Variants in CPE observed in about 807,000 individuals in gnomAD.
CPE encodes the protein carbocypeptidase E.
CPE carries 17 observed loss-of-function variants against 53.5 expected under a neutral mutation model. The observed-to-expected ratio is 0.32, with a 90% confidence interval of 0.22 to 0.48. The LOEUF (loss-of-function observed/expected upper bound fraction) is 0.48. Ranked by LOEUF, CPE falls within the 20% of genes least tolerant of loss-of-function variation. The pLI, the probability that CPE is intolerant of heterozygous loss-of-function variation, is 0.99. For synonymous variants in CPE, 226 were observed against 228.8 expected (o/e 0.99, Z 0.11); for missense variants, 524 against 614.7 (o/e 0.85, Z 1.56).
chr4:165,379,261 G>A lies in CPE; in HGVS notation c.40G>A (p.Gly14Arg), dbSNP rs1730460725. The A allele has an allele frequency of 2.8e-6, 4 of 1,428,416 alleles. No individual in the cohort carries two copies. In the African/African-American group the frequency reaches 6.0e-5, roughly 21 times the overall value. The allele number at this position is 1,428,416 out of a possible 1,614,324, so 88.5% of individuals were successfully genotyped here. Residue 14 changes from glycine (G) to arginine (R), a missense_variant, in exon 1 of 9, where the codon GGG (glycine) becomes AGG (arginine). Physicochemically the swap from Gly to Arg is moderately radical, Grantham distance 125. Coordinates refer to ENST00000402744, the MANE Select transcript of CPE (RefSeq NM_001873.4). The surrounding 1 kb of genome is among the most constrained non-coding windows in gnomAD (Gnocchi z 6.0). ...GGGCAGCGCGCTGCTGGCTCTGTGC[G>A]GGGCACTGGCTGCCTGCGGGTGGCT... ...RGGSALLALC[G>R]ALAACGWLLG...
At chr4:165,394,717 T>A (rs978676542) in intron 1 of CPE, among the ~76,000 whole-genome samples, 2 of 148,828 alleles carry the variant, frequency 1.3e-5, no homozygotes, top group African/African-American at 5.0e-5. Flanking sequence ...CCTATTAAAA[T>A]TTTTTTTTTA....
At chr4:165,468,488 T>C (rs1732146662) in intron 3 of CPE, among the ~76,000 whole-genome samples, 1 of 152,214 alleles carries the variant, frequency 6.6e-6, no homozygotes, top group Non-Finnish European at 1.5e-5. Flanking sequence ...TGGTGGAACT[T>C]GATATCTCAA....
chr4:165,481,381 T>C (rs185168797), intron 3 of CPE, among the ~76,000 whole-genome samples: 3 of 152,346 alleles, frequency 2.0e-5, no homozygotes, highest in African/African-American at 4.8e-5. Context: ...TGAGATCTTA[T>C]AACCATCAAA....
At chr4:165,480,339 C>G (rs1319250466) in intron 3 of CPE, among the ~76,000 whole-genome samples, 1 of 152,154 alleles carries the variant, frequency 6.6e-6, no homozygotes, top group African/African-American at 2.4e-5. Flanking sequence ...TAGCTAAAAA[C>G]GTGCTTAGCT....
intron 1 of CPE, among the ~76,000 whole-genome samples, chr4:165,411,710 T>A (rs1457389778): frequency 6.6e-6 from 1 of 152,126 alleles, no homozygotes; most frequent in East Asian, 1.9e-4. Context: ...GGCAAACAGA[T>A]CTGGTTTATC....
chr4:165,460,932 T>C (rs571724540), intron 1 of CPE, among the ~76,000 whole-genome samples: 64 of 151,618 alleles, frequency 4.2e-4, no homozygotes, highest in African/African-American at 1.5e-3. Flanking sequence ...ATAACTACAT[T>C]GATGAATGTA....
intron 1 of CPE, among the ~76,000 whole-genome samples, chr4:165,394,031 GAGAGGGTATGTAGAGAGTC>G (rs1246120962): frequency 2.6e-5 from 4 of 152,176 alleles, no homozygotes. Flanking sequence ...GGATAAAAAG[GAGAGGGTATGTAGAGAGTC>G]AGAGGGTATG....
At chr4:165,407,025 C>G (rs1291215628) in intron 1 of CPE, among the ~76,000 whole-genome samples, 1 of 152,198 alleles carries the variant, frequency 6.6e-6, no homozygotes, top group Non-Finnish European at 1.5e-5. Flanking sequence ...TTTTGTCTAT[C>G]ATGAACAAGG....
intron 1 of CPE, among the ~76,000 whole-genome samples, chr4:165,385,956 C>T (rs1170972433): frequency 6.6e-6 from 1 of 152,124 alleles, no homozygotes; most frequent in Non-Finnish European, 1.5e-5. Context: ...ACTTTCTTAC[C>T]CCTGCTGGGG....
At chr4:165,489,477 G>T (rs1221351249) in intron 6 of CPE, among the ~76,000 whole-genome samples, 1 of 152,166 alleles carries the variant, frequency 6.6e-6, no homozygotes, top group African/African-American at 2.4e-5. Context: ...TCACAAGAGA[G>T]GAGGAGAGCT....
At chr4:165,458,829 T>C (rs879253018) in intron 1 of CPE, among the ~76,000 whole-genome samples, 1 of 152,214 alleles carries the variant, frequency 6.6e-6, no homozygotes, top group African/African-American at 2.4e-5. Flanking sequence ...AAATATTAGA[T>C]AGGTAGACAG....
intron 1 of CPE, among the ~76,000 whole-genome samples, chr4:165,418,834 T>A (rs909374289): frequency 1.3e-5 from 2 of 152,148 alleles, no homozygotes; most frequent in Admixed American, 6.6e-5. Context: ...ATGCTAACTT[T>A]AAAGCAAAGA....
At chr4:165,460,617 T>C (rs1050635464) in intron 1 of CPE, among the ~76,000 whole-genome samples, 1 of 152,140 alleles carries the variant, frequency 6.6e-6, no homozygotes, top group Non-Finnish European at 1.5e-5. Context: ...TTCCCTTCAC[T>C]GCTCCAGAAG....
At chr4:165,417,360 T>A (rs17687037) in intron 1 of CPE, among the ~76,000 whole-genome samples, 6,241 of 152,278 alleles carry the variant, frequency 0.041, 210 homozygotes, top group East Asian at 0.16. Flanking sequence ...GAGCTATTCA[T>A]TATAGAGCAG....
intron 1 of CPE, among the ~76,000 whole-genome samples, chr4:165,422,976 CAAAA>C (rs58058891): frequency 1.3e-5 from 1 of 77,032 alleles, no homozygotes; most frequent in Non-Finnish European, 2.5e-5. Context: ...AACTCTGTCT[CAAAA>C]AAAAAAAAAA....
intron 1 of CPE, among the ~76,000 whole-genome samples, chr4:165,420,281 T>A (rs1457695386): frequency 6.6e-6 from 1 of 152,196 alleles, no homozygotes; most frequent in East Asian, 1.9e-4. Flanking sequence ...GAATGTTTTA[T>A]AACTTTTGTT....
At chr4:165,452,145 G>C (rs6827155) in intron 1 of CPE, among the ~76,000 whole-genome samples, 34,732 of 151,980 alleles carry the variant, frequency 0.23, 5,216 homozygotes, top group African/African-American at 0.42. Flanking sequence ...AGATACTAGA[G>C]GTTGGGAAGG....
At chr4:165,400,674 C>G (rs1457189345) in intron 1 of CPE, among the ~76,000 whole-genome samples, 2 of 152,180 alleles carry the variant, frequency 1.3e-5, no homozygotes, top group Non-Finnish European at 2.9e-5. Flanking sequence ...TTTTCTCTCA[C>G]CCATTCATCA....
intron 1 of CPE, among the ~76,000 whole-genome samples, chr4:165,463,178 C>T (rs1182988082): frequency 6.6e-6 from 1 of 152,168 alleles, no homozygotes; most frequent in East Asian, 1.9e-4. Context: ...AGTATATCCT[C>T]TTTGGGCTGA....
Sources: allele counts gnomAD v4.1 joint callset (sites outside exome capture counted in the v4.1 genomes callset), GRCh38; gene constraint gnomAD v4.1.1; non-coding constraint Gnocchi (gnomAD v3.1); transcripts MANE v1.5; gene names NCBI Gene and HGNC (gene_info 2026-07-23, HGNC 2026-07-21).